Variants in MDFIC observed in about 807,000 individuals in gnomAD.
The protein encoded by MDFIC is myoD family inhibitor domain-containing protein.
Under a neutral mutation model 23.2 loss-of-function variants are expected in MDFIC, and 17 were observed. The observed-to-expected ratio is 0.73, with a 90% confidence interval of 0.50 to 1.10. The LOEUF is 1.10. Among genes scored for constraint, MDFIC ranks in the 50% least tolerant of loss-of-function variants. The pLI, the probability that MDFIC is intolerant of heterozygous loss-of-function variation, is 0.00. For synonymous variants in MDFIC, 120 were observed against 115.2 expected, an observed-to-expected ratio of 1.04 and a Z score of -0.27; for missense variants, 356 against 316.6, an observed-to-expected ratio of 1.12 and a Z score of -0.95.
chr7:114,938,322 T>C (rs1216157162), intron 2 of MDFIC, among the ~76,000 whole-genome samples: 1 of 152,242 alleles, frequency 6.6e-6, no homozygotes, highest in Non-Finnish European at 1.5e-5. Context: ...ATTAATTAGA[T>C]GATTAGATAC....
intron 2 of MDFIC, among the ~76,000 whole-genome samples, chr7:114,941,330 C>T (rs1326076416): frequency 2.0e-5 from 3 of 152,174 alleles, no homozygotes; most frequent in African/African-American, 7.2e-5. Context: ...CCTTAGCATT[C>T]TAATATCCAC....
intron 3 of MDFIC, among the ~76,000 whole-genome samples, chr7:114,978,732 A>G (rs1036748326): frequency 1.3e-5 from 2 of 152,054 alleles, no homozygotes; most frequent in Non-Finnish European, 2.9e-5. Flanking sequence ...ATCTGTGCAC[A>G]TCTCAAAAAT....
At chr7:114,953,666 G>T (rs892170160) in intron 3 of MDFIC, among the ~76,000 whole-genome samples, 3 of 152,164 alleles carry the variant, frequency 2.0e-5, no homozygotes, top group African/African-American at 7.2e-5. Flanking sequence ...CTCTACTACA[G>T]TTGTCCCTTC....
chr7:114,923,597 C>T (rs1281597750), intron 2 of MDFIC: 1 of 1,490,614 alleles, frequency 6.7e-7, no homozygotes, highest in East Asian at 2.5e-5. Context: ...TTTGGAATGG[C>T]TTATGCTTGT....
At chr7:114,956,302 A>C (rs1383108137) in intron 3 of MDFIC, among the ~76,000 whole-genome samples, 3 of 151,996 alleles carry the variant, frequency 2.0e-5, no homozygotes, top group Non-Finnish European at 4.4e-5. Flanking sequence ...TGTTGTGCTA[A>C]ATTCAAAACA....
intron 3 of MDFIC, among the ~76,000 whole-genome samples, chr7:114,966,405 C>CAAAAA (rs61377366): frequency 1.6e-5 from 2 of 121,306 alleles, no homozygotes. Flanking sequence ...GTCAGGAAAC[C>CAAAAA]AAAAAAAAAA....
At chr7:114,987,290 A>G (rs1217967566) in intron 4 of MDFIC, among the ~76,000 whole-genome samples, 1 of 152,150 alleles carries the variant, frequency 6.6e-6, no homozygotes, top group African/African-American at 2.4e-5. Flanking sequence ...GTATTGTAAA[A>G]TCTTACATTA....
rs1373357019 is a variant in MDFIC at position 114,989,687 on chromosome 7, T to C, written c.493+9906T>C. 2.0e-5 allele frequency among the ~76,000 whole-genome samples: 3 copies of C among 152,212 alleles called. No individual in the cohort carries two copies. In the East Asian group the frequency reaches 5.8e-4, roughly 29 times the overall value. On this transcript the variant is annotated intron_variant, in intron 4 of 4. Transcript: ENST00000393486. ...TTACCGAATTGTTAACCTCGATGGC[T>C]CTGCTCTGTAAGGGTTATGTGGTTG... is the stretch of plus-strand genomic sequence containing the variant.
intron 2 of MDFIC, among the ~76,000 whole-genome samples, chr7:114,932,835 A>G (rs2709513): frequency 0.018 from 2,691 of 152,316 alleles, 78 homozygotes; most frequent in African/African-American, 0.06. Flanking sequence ...TCTGATTTCA[A>G]TTTCATATCT....
chr7:114,942,337 C>A lies in MDFIC; in HGVS notation c.157C>A (p.His53Asn). The change falls in exon 3 of 5, where the codon CAT becomes AAT. Residue 53 changes from histidine (H) to asparagine (N), a missense_variant. Physicochemically the swap from His to Asn is moderately conservative, Grantham distance 68. Coordinates refer to ENST00000393486, the MANE Select transcript of MDFIC (RefSeq NM_001166345.3). The stretch of plus-strand genomic sequence containing the variant: ...TCAAGCTACCAATAGCCACTTCACA[C>A]ATGGAGAGATGCAAGACCAGTCCAT... ...ITQATNSHFT[H>N]GEMQDQSIWG... The A allele has an allele frequency of 6.2e-7, 1 of 1,604,650 alleles. No individual in the cohort carries two copies. Among genetic ancestry groups the A allele is most frequent in the Non-Finnish European group, 8.5e-7 (1 of 1,173,026 alleles).
intron 4 of MDFIC, among the ~76,000 whole-genome samples, chr7:114,987,826 T>C (rs1793540251): frequency 6.6e-6 from 1 of 152,144 alleles, no homozygotes. Context: ...CAATTATCCA[T>C]CAGAAGTATT....
In MDFIC at chr7:114,923,549, C is replaced by T. The variant is rs994471652; in HGVS notation, c.94+422C>T. Reference sequence around the variant, plus strand: ...TTTCTGTTTCTTGTTGGCTCCTCTACCACCCGGTTGATAATTCAGGTTTCT... The same window carrying T: ...TTTCTGTTTCTTGTTGGCTCCTCTATCACCCGGTTGATAATTCAGGTTTCT... On this transcript the variant is annotated intron_variant, in intron 2 of 4. Coordinates refer to ENST00000393486, the MANE Select transcript of MDFIC (RefSeq NM_001166345.3). The T allele has an allele frequency of 2.3e-5, 35 of 1,535,870 alleles. No homozygotes were observed. The African/African-American group carries it at 4.5e-4, about 20-fold the overall frequency.
chr7:114,963,873 C>T (rs1793041369), intron 3 of MDFIC, among the ~76,000 whole-genome samples: 1 of 152,310 alleles, frequency 6.6e-6, no homozygotes, highest in Middle Eastern at 3.4e-3. Context: ...AGCCACTGTG[C>T]TGGGCTTTGT....
rs545258829 is a variant in MDFIC, at chr7:114,972,871, G to A, written c.218-6635G>A. ...GGGCTCAAGTGATCCTCCGACCTCA[G>A]CCTCTCAAAGTGCTAGGCTCTGCAC... is the stretch of plus-strand genomic sequence containing the variant. On this transcript the variant is annotated intron_variant, in intron 3 of 4. Transcript: ENST00000393486. Among the ~76,000 whole-genome samples, 19 of 152,226 alleles carry A rather than the reference G, an allele frequency of 1.2e-4. No individual in the cohort carries two copies. The South Asian group carries it at 3.9e-3, about 32-fold the overall frequency.
chr7:115,012,294 A>G (rs917499413), intron 4 of MDFIC, among the ~76,000 whole-genome samples: 1 of 152,220 alleles, frequency 6.6e-6, no homozygotes, highest in African/African-American at 2.4e-5. Flanking sequence ...CATTTCAAAG[A>G]AGAGAAAACA....
chr7:114,929,891 G>C (rs1218142904), intron 2 of MDFIC, among the ~76,000 whole-genome samples: 1 of 152,136 alleles, frequency 6.6e-6, no homozygotes, highest in Non-Finnish European at 1.5e-5. Flanking sequence ...GGGATGAAGG[G>C]ACCAGTCTTT....
In MDFIC at chr7:115,018,955, T is replaced by C. The variant is rs975821660; in HGVS notation, c.*3020T>C. 2.0e-5 allele frequency: 3 copies of C among 151,970 alleles called. No individual in the cohort carries two copies. The highest frequency in any genetic ancestry group is 4.4e-5 in the Non-Finnish European group (3 of 67,880). 9.4% of individuals were successfully genotyped at this position (151,970 alleles called of 1,614,324 possible). A position where few individuals can be genotyped will look rare whatever the true frequency, so the allele number is the denominator to read the frequency against. On this transcript the variant is annotated 3_prime_UTR_variant, in exon 5 of 5. Transcript: ENST00000393486. ...ATCGATCAGTTTATGATCATTGACA[T>C]GTGATTTCAAAACACAGTGTTCTTT...
chr7:114,981,030 G>A (rs1793408449), intron 4 of MDFIC, among the ~76,000 whole-genome samples: 2 of 152,168 alleles, frequency 1.3e-5, no homozygotes, highest in South Asian at 4.1e-4. Context: ...TTTAAAATGA[G>A]TTTGACATGT....
intron 4 of MDFIC, among the ~76,000 whole-genome samples, chr7:115,003,938 A>AT (rs1464978374): frequency 3.9e-5 from 6 of 152,204 alleles, no homozygotes; most frequent in Admixed American, 6.5e-5. Context: ...TAATAATAGC[A>AT]TTTATCTCAT....
Sources: gnomAD v4.1 joint callset for allele counts (sites outside exome capture counted in the v4.1 genomes callset) on GRCh38, gnomAD v4.1.1 for gene constraint, MANE v1.5 for transcripts, NCBI Gene and HGNC (gene_info 2026-07-23, HGNC 2026-07-21) for gene names.